MACF1: variants seen among roughly 807,000 people sequenced by gnomAD.
The protein encoded by MACF1 is microtubule-actin cross-linking factor 1.
A neutral mutation model predicts 854.8 loss-of-function variants in MACF1; 193 were observed. The ratio of observed to expected loss-of-function variants is 0.23; its 90% CI spans 0.20 to 0.25. MACF1 has a LOEUF of 0.25. MACF1 is among the 10% of genes least tolerant of loss of function. MACF1 has a pLI of 1.00. For synonymous variants in MACF1, 3,185 were observed against 3,226.7 expected (o/e 0.99, Z 0.44); for missense variants, 7,722 against 8,929.1 (o/e 0.86, Z 5.45).
At chr1:39,256,015 T>C (rs1379138365) in intron 5 of MACF1, among the ~76,000 whole-genome samples, 2 of 152,166 alleles carry the variant, frequency 1.3e-5, no homozygotes, top group Non-Finnish European at 2.9e-5. Flanking sequence ...AAGTCCAAGA[T>C]GTAGCTGTGC....
In MACF1 at chr1:39,460,436, T is replaced by C. The variant is rs925695135; in HGVS notation, c.21361-196T>C. Among the ~76,000 whole-genome samples, 2 of 152,204 alleles carry C rather than the reference T, an allele frequency of 1.3e-5. No homozygotes were observed. Among genetic ancestry groups the C allele is most frequent in the African/African-American group, 2.4e-5 (1 of 41,456 alleles). Reference sequence around the variant, plus strand: ...TTTCTCTTGCTATTCCATTATACCATAGCTCGTGTAAATAGTCATGGCTTT... The same window carrying C: ...TTTCTCTTGCTATTCCATTATACCACAGCTCGTGTAAATAGTCATGGCTTT... On this transcript the variant is annotated intron_variant, in intron 91 of 100. Coordinates refer to ENST00000564288, the MANE Select transcript of MACF1 (RefSeq NM_001394062.1). This position sits in a 1 kb window ranked among gnomAD's most constrained non-coding sequence, Gnocchi z 4.1.
chr1:39,210,558 C>A (rs1424455370), intron 1 of MACF1, among the ~76,000 whole-genome samples: 1 of 151,946 alleles, frequency 6.6e-6, no homozygotes. Context: ...AGTAGAAAAA[C>A]CACTTAACTT....
intron 2 of MACF1, among the ~76,000 whole-genome samples, chr1:39,116,444 C>T (rs1021691444): frequency 2.6e-5 from 4 of 151,316 alleles, no homozygotes; most frequent in African/African-American, 9.7e-5. Flanking sequence ...TCCCTCTAGC[C>T]CTAGAAGCAC....
At position 39,486,155 on chromosome 1, in the gene MACF1, ATCT is replaced by A. The variant is rs1379024792; in HGVS notation, c.*366_*368del. Reference sequence around the variant, plus strand: ...ATCTTTTAGGATTATTCCTAAATGCATCTTCTTTATAAACTTGACTTGCTATCT... The same window carrying A: ...ATCTTTTAGGATTATTCCTAAATGCATCTTTATAAACTTGACTTGCTATCT... On this transcript the variant is annotated 3_prime_UTR_variant, in exon 101 of 101. Coordinates refer to ENST00000564288, the MANE Select transcript of MACF1 (RefSeq NM_001394062.1). 3.1e-5 allele frequency: 5 copies of A among 162,436 alleles called. No homozygotes were observed. The highest frequency in any genetic ancestry group is 1.2e-4 in the African/African-American group (5 of 41,872). The allele number at this position is 162,436 out of a possible 1,614,324, so 10.1% of individuals were successfully genotyped here.
intron 44 of MACF1, among the ~76,000 whole-genome samples, chr1:39,354,543 T>C (rs988405597): frequency 6.6e-6 from 1 of 152,172 alleles, no homozygotes; most frequent in Non-Finnish European, 1.5e-5. Context: ...TAGCTAAGAT[T>C]ACAGGCATGT....
Position 39,388,471 on chromosome 1 carries a change from G to T in MACF1, c.15629G>T (p.Gly5210Val). Residue 5210 changes from glycine (G) to valine (V), a missense_variant, in exon 58 of 101, where the codon GGC becomes GTC. Around this residue, in one of 15 missense-constraint regions of MACF1, gnomAD observed 2,807 missense variants for 3,235.8 expected, o/e 0.87. Coordinates refer to ENST00000564288, the MANE Select transcript of MACF1 (RefSeq NM_001394062.1). ...CTAGAAGCCCTGAACAAACAGTGTG[G>T]CAAACTGACAGAGAGGGGGAAAGCT... ...RELEALNKQC[G>V]KLTERGKARQ... The T allele has an allele frequency of 6.2e-7, 1 of 1,614,116 alleles. No individual in the cohort carries two copies.
intron 58 of MACF1, chr1:39,410,722 A>C: frequency 6.2e-7 from 1 of 1,613,948 alleles, no homozygotes; most frequent in Non-Finnish European, 8.5e-7. Flanking sequence ...AGCTTCTCTC[A>C]GTGAGGTTTC....
intron 58 of MACF1, chr1:39,414,045 A>C (rs1457662241): frequency 1.9e-6 from 3 of 1,604,828 alleles, no homozygotes; most frequent in Non-Finnish European, 2.5e-6. Flanking sequence ...CAGCAGCTGC[A>C]GTGCTCACCC....
chr1:39,339,530 C>T (rs1380188215), intron 38 of MACF1, among the ~76,000 whole-genome samples: 2 of 152,132 alleles, frequency 1.3e-5, no homozygotes, highest in Non-Finnish European at 2.9e-5. Context: ...AACTAACTTG[C>T]AGCTGGAAGA....
chr1:39,395,231 A>G (rs1286154115), intron 58 of MACF1, among the ~76,000 whole-genome samples: 8 of 152,120 alleles, frequency 5.3e-5, no homozygotes, highest in Non-Finnish European at 1.0e-4. Context: ...TACAACTAAA[A>G]ATGTCTCCCT....
At chr1:39,095,983 A>G (rs1290015524) in intron 2 of MACF1, among the ~76,000 whole-genome samples, 1 of 152,074 alleles carries the variant, frequency 6.6e-6, no homozygotes, top group Non-Finnish European at 1.5e-5. Context: ...TGCCTGGGCA[A>G]CATAGTGAGA....
chr1:39,358,655 T>C (rs369053383), intron 45 of MACF1, 42 bp from the exon 46 acceptor site: 169 of 1,600,020 alleles, frequency 1.1e-4, no homozygotes, highest in Middle Eastern at 1.7e-4. Flanking sequence ...GCCTTTGGCC[T>C]GACCTTGCTT....
chr1:39,336,871 T>C (rs1229478530), intron 37 of MACF1, among the ~76,000 whole-genome samples: 1 of 152,224 alleles, frequency 6.6e-6, no homozygotes, highest in Non-Finnish European at 1.5e-5. Context: ...TTCTGAAATC[T>C]GCAAGGGTTT....
intron 49 of MACF1, among the ~76,000 whole-genome samples, chr1:39,362,251 A>G (rs1277380197): frequency 3.9e-5 from 6 of 152,258 alleles, no homozygotes; most frequent in Admixed American, 3.9e-4. Flanking sequence ...TGGCTGTACC[A>G]GCACACATTC....
intron 2 of MACF1, among the ~76,000 whole-genome samples, chr1:39,159,045 A>G (rs971049549): frequency 6.6e-6 from 1 of 152,072 alleles, no homozygotes; most frequent in Admixed American, 6.5e-5. Context: ...CAGGCTCCCT[A>G]CCCTTTGTCC....
At chr1:39,190,618 C>T (rs981042367) in intron 2 of MACF1, among the ~76,000 whole-genome samples, 2 of 151,734 alleles carry the variant, frequency 1.3e-5, no homozygotes, top group African/African-American at 2.4e-5. Context: ...CGATTACAGA[C>T]GTGAGCCACC....
At chr1:39,471,802 C>T (rs1162541604) in intron 97 of MACF1, among the ~76,000 whole-genome samples, 1 of 151,136 alleles carries the variant, frequency 6.6e-6, no homozygotes, top group East Asian at 1.9e-4. Context: ...ATTTAAAAGA[C>T]ACATTTTGAA....
At chr1:39,365,834 C>T (rs1432608465) in intron 49 of MACF1, among the ~76,000 whole-genome samples, 2 of 152,024 alleles carry the variant, frequency 1.3e-5, no homozygotes, top group African/African-American at 4.8e-5. Flanking sequence ...TGCCACCACG[C>T]CTGGCTAATT....
At chr1:39,189,237 T>C (rs1644216052) in intron 2 of MACF1, among the ~76,000 whole-genome samples, 1 of 152,230 alleles carries the variant, frequency 6.6e-6, no homozygotes, top group Non-Finnish European at 1.5e-5. Flanking sequence ...ACCTTGTTTC[T>C]TATTGTTGCC....
Sources: allele counts gnomAD v4.1 joint callset (sites outside exome capture counted in the v4.1 genomes callset), GRCh38; gene constraint gnomAD v4.1.1; regional missense constraint gnomAD v4.1.1; non-coding constraint Gnocchi (gnomAD v3.1); transcripts MANE v1.5; gene names NCBI Gene and HGNC (gene_info 2026-07-23, HGNC 2026-07-21).